The following RBM33 variants were observed in gnomAD, a reference collection of about 807,000 sequenced individuals.
RBM33 encodes the protein RNA binding motif protein 33.
RBM33 carries 28 observed loss-of-function variants against 132.6 expected under a neutral mutation model. The ratio of observed to expected loss-of-function variants is 0.21; its 90% CI spans 0.16 to 0.29. The LOEUF (loss-of-function observed/expected upper bound fraction) is 0.29. Ranked by LOEUF, RBM33 falls within the 10% of genes least tolerant of loss-of-function variation. The probability of loss-of-function intolerance (pLI) is 1.00; values close to 1 mark genes in which losing one functional copy is unlikely to be tolerated. For missense variants in RBM33, 1,291 were observed against 1,518.5 expected (o/e 0.85, Z 2.49); for synonymous variants, 634 against 593.0 (o/e 1.07, Z -1.01).
intron 9 of RBM33, among the ~76,000 whole-genome samples, chr7:155,726,142 A>G (rs1303660288): frequency 2.0e-5 from 3 of 152,178 alleles, no homozygotes; most frequent in African/African-American, 7.2e-5. Flanking sequence ...TTCAAGTGGG[A>G]TTAATAAAGG....
intron 16 of RBM33, among the ~76,000 whole-genome samples, chr7:155,770,453 C>T (rs919753369): frequency 2.6e-5 from 4 of 152,220 alleles, no homozygotes; most frequent in African/African-American, 9.6e-5. Flanking sequence ...GCTCTCGGCC[C>T]TTCCTGCCAG....
intron 14 of RBM33, among the ~76,000 whole-genome samples, chr7:155,749,767 T>C (rs1178152791): frequency 6.6e-6 from 1 of 152,216 alleles, no homozygotes; most frequent in African/African-American, 2.4e-5. Context: ...TGGGGTTCCA[T>C]CATCCCGGTT....
chr7:155,717,239 C>T (rs1002079891), intron 8 of RBM33, among the ~76,000 whole-genome samples: 7 of 152,256 alleles, frequency 4.6e-5, no homozygotes, highest in Non-Finnish European at 7.4e-5. Flanking sequence ...CTTATTTTCT[C>T]GCAGTTCCGG....
chr7:155,658,411 G>C (rs574765063), intron 1 of RBM33, among the ~76,000 whole-genome samples: 1 of 136,120 alleles, frequency 7.3e-6, no homozygotes, highest in Non-Finnish European at 1.5e-5. Flanking sequence ...TTTTTGAGAC[G>C]GAGTGTCTCT....
chr7:155,668,708 T>C (rs1316589270), intron 2 of RBM33, among the ~76,000 whole-genome samples: 1 of 152,200 alleles, frequency 6.6e-6, no homozygotes, highest in South Asian at 2.1e-4. Flanking sequence ...TCTTTCCTGT[T>C]GTTTACCAAG....
intron 5 of RBM33, among the ~76,000 whole-genome samples, chr7:155,686,424 C>G (rs1330995242): frequency 1.3e-5 from 2 of 151,946 alleles, no homozygotes; most frequent in African/African-American, 2.4e-5. Context: ...AGAGAGAAAC[C>G]AAGGAATTCG....
rs114741358 is a variant in RBM33 at position 155,765,105 on chromosome 7, C to G, written c.3186+1087C>G. On this transcript the variant is annotated intron_variant, in intron 15 of 17. Coordinates refer to ENST00000401878, the MANE Select transcript of RBM33 (RefSeq NM_053043.3). ...CCATAACGCGCACACGCACAGCACACTTGAGTTTCTTCAACTTAAATGTAA... is the reference window on the plus strand; with the variant it reads ...CCATAACGCGCACACGCACAGCACAGTTGAGTTTCTTCAACTTAAATGTAA... Among the ~76,000 whole-genome samples the G allele has an allele frequency of 7.0e-3, 1,064 of 152,318 alleles. 17 individuals carry two copies. Among genetic ancestry groups the G allele is most frequent in the African/African-American group, 0.024 (1,000 of 41,566 alleles).
chr7:155,770,225 C>T (rs930746144), intron 16 of RBM33, among the ~76,000 whole-genome samples: 7 of 152,228 alleles, frequency 4.6e-5, no homozygotes, highest in East Asian at 1.9e-4. Flanking sequence ...TGAAATGGGG[C>T]AGAAAACTCG....
chr7:155,775,143 G>C lies in RBM33; in HGVS notation c.*102G>C. 1 of 1,033,472 alleles carries C rather than the reference G, an allele frequency of 9.7e-7. No homozygotes were observed. Among genetic ancestry groups the C allele is most frequent in the Non-Finnish European group, 1.5e-6 (1 of 656,166 alleles). The allele number at this position is 1,033,472 out of a possible 1,614,324, so 64.0% of individuals were successfully genotyped here. A position where few individuals can be genotyped will look rare whatever the true frequency, so the allele number is the denominator to read the frequency against. ...AACCCCCAGGAGCACAGGTCTCTCC[G>C]GGCCGCTGTCCTGCGTAACTGTTCT... On this transcript the variant is annotated 3_prime_UTR_variant, in exon 18 of 18. Coordinates refer to ENST00000401878, the MANE Select transcript of RBM33 (RefSeq NM_053043.3).
chr7:155,733,137 T>C (rs999985874), intron 9 of RBM33, among the ~76,000 whole-genome samples: 52 of 152,040 alleles, frequency 3.4e-4, no homozygotes, highest in African/African-American at 1.2e-3. Context: ...GAGACAGAAA[T>C]GTAAGAGTGA....
Position 155,712,258 on chromosome 7 carries a change from A to C in RBM33, c.1201+803A>C, listed in dbSNP as rs1298786160. Reference sequence around the variant, plus strand: ...TCTTTTAGTTGTTGTAATCAAATAAATACAGATCTGATTATTACTGAAACA... The same window carrying C: ...TCTTTTAGTTGTTGTAATCAAATAACTACAGATCTGATTATTACTGAAACA... On this transcript the variant is annotated intron_variant, in intron 8 of 17. Coordinates refer to ENST00000401878, the MANE Select transcript of RBM33 (RefSeq NM_053043.3). 4.6e-5 allele frequency among the ~76,000 whole-genome samples: 7 copies of C among 152,252 alleles called. No individual in the cohort carries two copies. In the East Asian group the frequency reaches 1.3e-3, roughly 29 times the overall value.
chr7:155,682,508 C>G (rs1563142151), intron 5 of RBM33, among the ~76,000 whole-genome samples: 1 of 152,100 alleles, frequency 6.6e-6, no homozygotes, highest in Non-Finnish European at 1.5e-5. Flanking sequence ...TAGTTATTGC[C>G]TAGTTAGAGT....
intron 3 of RBM33, among the ~76,000 whole-genome samples, chr7:155,673,950 T>TTTG (rs1799097893): frequency 7.8e-5 from 3 of 38,590 alleles, no homozygotes; most frequent in Admixed American, 2.0e-4. Context: ...GTTTTTTTTT[T>TTTG]TTTTTTTTTT....
chr7:155,699,553 A>G (rs1217854608), intron 5 of RBM33, among the ~76,000 whole-genome samples: 1 of 152,172 alleles, frequency 6.6e-6, no homozygotes, highest in Non-Finnish European at 1.5e-5. Flanking sequence ...AAATCCTGAG[A>G]TTTTGGTACT....
chr7:155,755,448 G>A (rs769286878), intron 14 of RBM33, among the ~76,000 whole-genome samples: 3 of 152,172 alleles, frequency 2.0e-5, no homozygotes, highest in African/African-American at 7.2e-5. Flanking sequence ...CCAGTTTGGC[G>A]GATTTGGATT....
At chr7:155,758,175 T>C (rs1316902127) in intron 14 of RBM33, among the ~76,000 whole-genome samples, 2 of 152,226 alleles carry the variant, frequency 1.3e-5, no homozygotes, top group East Asian at 3.8e-4. Flanking sequence ...AGCTATGGAT[T>C]ATTTCACTGC....
chr7:155,725,482 A>G (rs968832055), intron 9 of RBM33, among the ~76,000 whole-genome samples: 2 of 152,090 alleles, frequency 1.3e-5, no homozygotes, highest in African/African-American at 2.4e-5. Context: ...CTTAAATATG[A>G]AATTGAACTT....
chr7:155,689,825 G>C (rs547766547), intron 5 of RBM33, among the ~76,000 whole-genome samples: 1 of 152,348 alleles, frequency 6.6e-6, no homozygotes, highest in South Asian at 2.1e-4. Flanking sequence ...TGATTGCACT[G>C]TGGTCTGAGA....
chr7:155,768,418 G>A (rs548527396), intron 16 of RBM33, among the ~76,000 whole-genome samples: 4 of 152,072 alleles, frequency 2.6e-5, no homozygotes, highest in South Asian at 2.1e-4. Flanking sequence ...CATTTCCTTC[G>A]AGTGCTGGGA....
Sources: allele counts gnomAD v4.1 joint callset (sites outside exome capture counted in the v4.1 genomes callset), GRCh38; gene constraint gnomAD v4.1.1; transcripts MANE v1.5; gene names NCBI Gene and HGNC (gene_info 2026-07-23, HGNC 2026-07-21).